Variants in DACH1 observed in about 807,000 individuals in gnomAD.
The protein encoded by DACH1 is dachshund family transcription factor 1, also known as dachshund homolog 1.
Under a neutral mutation model 54.2 loss-of-function variants are expected in DACH1, and 12 were observed. The observed-to-expected ratio is 0.22, with a 90% CI of 0.14 to 0.36. The LOEUF is 0.36. DACH1 is among the 10% of genes least tolerant of loss of function. The pLI, the probability that DACH1 is intolerant of heterozygous loss-of-function variation, is 1.00. For synonymous variants in DACH1, 386 were observed against 366.2 expected (o/e 1.05, Z -0.62); for missense variants, 805 against 929.8 (o/e 0.87, Z 1.75).
intron 1 of DACH1, among the ~76,000 whole-genome samples, chr13:71,749,885 G>C (rs371551861): frequency 6.6e-6 from 1 of 152,154 alleles, no homozygotes; most frequent in African/African-American, 2.4e-5. Context: ...GATAAGCGGA[G>C]AGCTGAGGAT....
rs145428212 is a variant in DACH1, at chr13:71,780,509, A to G, written c.848+85413T>C. ...CGGTATGAAACAGAGGCTACCACAT[A>G]TTTTTGAAAATTAGCTACAAGTTGA... On this transcript the variant is annotated intron_variant, in intron 1 of 10. Transcript: ENST00000613252. Among the ~76,000 whole-genome samples, 949 of 152,184 alleles carry G rather than the reference A, an allele frequency of 6.2e-3. 14 individuals are homozygous for G. The highest frequency in any genetic ancestry group is 0.021 in the African/African-American group (890 of 41,526).
chr13:71,829,864 T>G (rs1888517188), intron 1 of DACH1, among the ~76,000 whole-genome samples: 2 of 151,920 alleles, frequency 1.3e-5, no homozygotes, highest in South Asian at 4.1e-4. Flanking sequence ...TGAGACCATC[T>G]AGTAATAAAG....
intron 6 of DACH1, among the ~76,000 whole-genome samples, chr13:71,539,011 AT>A (rs1383645754): frequency 1.2e-4 from 18 of 152,040 alleles, no homozygotes; most frequent in South Asian, 2.1e-4. Context: ...CTTATATTTT[AT>A]TTTTTTAATC....
At chr13:71,532,420 A>T (rs912649716) in intron 6 of DACH1, among the ~76,000 whole-genome samples, 2 of 151,978 alleles carry the variant, frequency 1.3e-5, no homozygotes, top group African/African-American at 2.4e-5. Flanking sequence ...TTGGAAATTT[A>T]CTATTTACTA....
At chr13:71,539,913 T>G (rs1042590693) in intron 6 of DACH1, among the ~76,000 whole-genome samples, 1 of 152,018 alleles carries the variant, frequency 6.6e-6, no homozygotes, top group Non-Finnish European at 1.5e-5. Flanking sequence ...ATTTTTTACT[T>G]TGTTTTAAAA....
At chr13:71,667,704 G>C (rs769656099) in intron 2 of DACH1, among the ~76,000 whole-genome samples, 3 of 152,044 alleles carry the variant, frequency 2.0e-5, no homozygotes, top group African/African-American at 7.2e-5. Flanking sequence ...ATATGGACAG[G>C]TCATATGGTA....
At chr13:71,630,770 A>C (rs898484361) in intron 2 of DACH1, 53 bp from the exon 3 acceptor site, 34 of 1,502,884 alleles carry the variant, frequency 2.3e-5, no homozygotes, top group Non-Finnish European at 3.0e-5. Context: ...TTTTCATTTA[A>C]TAGTTCCTGT....
At chr13:71,718,980 C>A (rs748966352) in intron 1 of DACH1, among the ~76,000 whole-genome samples, 3 of 152,064 alleles carry the variant, frequency 2.0e-5, no homozygotes. Flanking sequence ...CCAAAGCAAG[C>A]TTTAGGAAAA....
intron 10 of DACH1, among the ~76,000 whole-genome samples, chr13:71,442,337 C>G (rs1478791737): frequency 6.6e-6 from 1 of 152,074 alleles, no homozygotes; most frequent in African/African-American, 2.4e-5. Context: ...ATAATGACCT[C>G]CAGTTTCATC....
chr13:71,798,657 G>A (rs1041476514), intron 1 of DACH1, among the ~76,000 whole-genome samples: 2 of 151,778 alleles, frequency 1.3e-5, no homozygotes, highest in African/African-American at 4.8e-5. Flanking sequence ...TAAAAAATTA[G>A]CAAGTGAAGC....
At chr13:71,517,042 T>C (rs912808313) in intron 6 of DACH1, among the ~76,000 whole-genome samples, 13 of 151,886 alleles carry the variant, frequency 8.6e-5, no homozygotes, top group African/African-American at 3.1e-4. Flanking sequence ...GCGTAAGTTT[T>C]CAACTTATAT....
At chr13:71,670,424 A>C (rs1223854127) in intron 2 of DACH1, among the ~76,000 whole-genome samples, 1 of 152,160 alleles carries the variant, frequency 6.6e-6, no homozygotes, top group African/African-American at 2.4e-5. Context: ...GCAATATGTG[A>C]TAGTTTGAAC....
At chr13:71,624,905 C>A (rs1325009601) in intron 3 of DACH1, among the ~76,000 whole-genome samples, 1 of 151,802 alleles carries the variant, frequency 6.6e-6, no homozygotes, top group African/African-American at 2.4e-5. Flanking sequence ...GCACTCAATC[C>A]GGCTCCATCT....
intron 1 of DACH1, among the ~76,000 whole-genome samples, chr13:71,852,617 T>G (rs914486890): frequency 5.9e-5 from 9 of 152,348 alleles, no homozygotes; most frequent in African/African-American, 2.2e-4. Flanking sequence ...AGCAAAGGAA[T>G]AGCGATGCTC....
At chr13:71,609,761 A>G (rs1875170383) in intron 3 of DACH1, among the ~76,000 whole-genome samples, 1 of 152,116 alleles carries the variant, frequency 6.6e-6, no homozygotes, top group Non-Finnish European at 1.5e-5. Context: ...TCCAGACCTC[A>G]GGTGATCCAC....
At chr13:71,827,557 G>A (rs1175439270) in intron 1 of DACH1, among the ~76,000 whole-genome samples, 1 of 152,010 alleles carries the variant, frequency 6.6e-6, no homozygotes, top group Non-Finnish European at 1.5e-5. Context: ...AATGAGCTGA[G>A]AACAAGGGAG....
intron 3 of DACH1, among the ~76,000 whole-genome samples, chr13:71,590,376 C>A (rs894506024): frequency 6.6e-6 from 1 of 152,058 alleles, no homozygotes; most frequent in Non-Finnish European, 1.5e-5. Flanking sequence ...CTTGCTTTGA[C>A]AAGGTAGATG....
At position 71,614,940 on chromosome 13, in the gene DACH1, A is replaced by T. The variant is rs544790978; in HGVS notation, c.1126+15616T>A. ...TTTGAATCTATCAGTTTTTTTTTTAAAAAAAGATAACTAAGTCTTCTGAAG... is the reference window on the plus strand; with the variant it reads ...TTTGAATCTATCAGTTTTTTTTTTATAAAAAGATAACTAAGTCTTCTGAAG... On this transcript the variant is annotated intron_variant, in intron 3 of 10. Transcript: ENST00000613252. Among the ~76,000 whole-genome samples, 144 of 151,636 alleles carry T rather than the reference A, an allele frequency of 9.5e-4. 1 individual carries two copies. Among genetic ancestry groups the T allele is most frequent in the African/African-American group, 3.2e-3 (134 of 41,358 alleles).
intron 1 of DACH1, among the ~76,000 whole-genome samples, chr13:71,863,588 A>C (rs1180822181): frequency 6.6e-6 from 1 of 152,192 alleles, no homozygotes; most frequent in African/African-American, 2.4e-5. Flanking sequence ...TGCAAGTTTA[A>C]ACTCCAGATC....
Sources: gnomAD v4.1 joint callset for allele counts (sites outside exome capture counted in the v4.1 genomes callset) on GRCh38, gnomAD v4.1.1 for gene constraint, MANE v1.5 for transcripts, NCBI Gene and HGNC (gene_info 2026-07-23, HGNC 2026-07-21) for gene names.